MYT1L: variants seen among roughly 807,000 people sequenced by gnomAD.
MYT1L encodes myelin transcription factor 1 like.
In MYT1L, 12 loss-of-function variants were observed where a neutral mutation model predicts 126.7. The observed-to-expected ratio is 0.09, with a 90% CI of 0.06 to 0.15. MYT1L has a LOEUF of 0.15. Among genes scored for constraint, MYT1L ranks in the 10% least tolerant of loss-of-function variants. The probability of loss-of-function intolerance (pLI) is 1.00; values close to 1 mark genes in which losing one functional copy is unlikely to be tolerated. For synonymous variants in MYT1L, 541 were observed against 604.2 expected (o/e 0.90, Z 1.53); for missense variants, 979 against 1,585.2 (o/e 0.62, Z 6.49).
Position 2,228,498 on chromosome 2 carries a change from G to C in MYT1L, c.-420-55510C>G, listed in dbSNP as rs2149040431. ...TTTGCTGAAATCAGCAAGACAAATT[G>C]AACTTTAGAACTGGAAGAAAGTTTA... On this transcript the variant is annotated intron_variant, in intron 2 of 24. Transcript: ENST00000647738. The surrounding 1 kb of genome is among the most constrained non-coding windows in gnomAD (Gnocchi z 5.9). Among the ~76,000 whole-genome samples, 1 of 152,240 alleles carries C rather than the reference G, an allele frequency of 6.6e-6. No homozygotes were observed. Among genetic ancestry groups the C allele is most frequent in the Middle Eastern group, 3.4e-3 (1 of 292 alleles).
chr2:2,106,069 G>A (rs2078715253), intron 3 of MYT1L, among the ~76,000 whole-genome samples: 1 of 152,108 alleles, frequency 6.6e-6, no homozygotes, highest in Non-Finnish European at 1.5e-5. Context: ...CAACTCAAAG[G>A]AATGCACCAC....
intron 8 of MYT1L, among the ~76,000 whole-genome samples, chr2:1,952,458 G>A (rs941809237): frequency 2.0e-5 from 3 of 152,042 alleles, no homozygotes; most frequent in Non-Finnish European, 4.4e-5. Flanking sequence ...TAGATAAAGT[G>A]CAAATGGGAG....
In MYT1L at chr2:2,119,295, T is replaced by C. The variant is rs115589727; in HGVS notation, c.-304+53577A>G. 4.2e-3 allele frequency among the ~76,000 whole-genome samples: 638 copies of C among 152,338 alleles called. 5 individuals are homozygous for C. Among genetic ancestry groups the C allele is most frequent in the African/African-American group, 0.015 (614 of 41,588 alleles). ...TTAAAAATTACAGAGTGCTTTTACC[T>C]ACATAAATAGGCACTTAAGAATTCA... On this transcript the variant is annotated intron_variant, in intron 3 of 24. Transcript: ENST00000647738.
At chr2:2,270,426 G>T (rs554972702) in intron 2 of MYT1L, among the ~76,000 whole-genome samples, 16 of 152,196 alleles carry the variant, frequency 1.1e-4, no homozygotes, top group Admixed American at 6.5e-4. Context: ...TATCCCCTTT[G>T]CAAATCTATC....
At chr2:1,915,002 G>A (rs1377123568) in intron 11 of MYT1L, among the ~76,000 whole-genome samples, 1 of 152,066 alleles carries the variant, frequency 6.6e-6, no homozygotes, top group East Asian at 1.9e-4. Flanking sequence ...CCATGCTGTG[G>A]AGTCCCCACC....
chr2:1,952,899 T>C (rs955081403), intron 8 of MYT1L, among the ~76,000 whole-genome samples: 12 of 66,434 alleles, frequency 1.8e-4, no homozygotes, highest in African/African-American at 9.1e-4. Flanking sequence ...TCCCTCCTTC[T>C]TTCCCTTCCT....
chr2:2,075,626 C>T (rs1407551582), intron 3 of MYT1L, among the ~76,000 whole-genome samples: 1 of 152,138 alleles, frequency 6.6e-6, no homozygotes, highest in Non-Finnish European at 1.5e-5. Context: ...CAAAACTTTG[C>T]TGAATAAGAT....
intron 3 of MYT1L, among the ~76,000 whole-genome samples, chr2:2,112,606 T>C (rs1402814304): frequency 2.0e-5 from 3 of 152,136 alleles, no homozygotes; most frequent in Non-Finnish European, 4.4e-5. Flanking sequence ...CTTGATACAA[T>C]GCAGTTTCTG....
At chr2:2,086,391 T>C (rs1026931753) in intron 3 of MYT1L, among the ~76,000 whole-genome samples, 1 of 152,248 alleles carries the variant, frequency 6.6e-6, no homozygotes, top group Non-Finnish European at 1.5e-5. Context: ...ATTCATTTTA[T>C]ACTTGTACAT....
chr2:1,926,611 A>G (rs149468313), intron 9 of MYT1L, among the ~76,000 whole-genome samples: 2,067 of 152,318 alleles, frequency 0.014, 53 homozygotes, highest in African/African-American at 0.047. Flanking sequence ...CATGCAGGCT[A>G]GAGTGCAGTG....
At chr2:2,023,623 G>T (rs77370734) in intron 4 of MYT1L, among the ~76,000 whole-genome samples, 1 of 144,660 alleles carries the variant, frequency 6.9e-6, no homozygotes, top group Non-Finnish European at 1.5e-5. Flanking sequence ...GGCTTTTGCT[G>T]TTTTTTTTTT....
At chr2:1,866,375 T>TAA (rs1046933396) in intron 18 of MYT1L, among the ~76,000 whole-genome samples, 1 of 147,936 alleles carries the variant, frequency 6.8e-6, no homozygotes, top group African/African-American at 2.5e-5. Context: ...CTTACGAAGA[T>TAA]GAGAGAGAGA....
chr2:2,064,145 G>A (rs1228654602), intron 3 of MYT1L, among the ~76,000 whole-genome samples: 1 of 152,178 alleles, frequency 6.6e-6, no homozygotes, highest in Non-Finnish European at 1.5e-5. Context: ...AGAGAAAGGG[G>A]CTATAGAAAA....
intron 3 of MYT1L, among the ~76,000 whole-genome samples, chr2:2,069,319 G>A (rs188371301): frequency 7.4e-4 from 113 of 152,190 alleles, no homozygotes; most frequent in African/African-American, 2.4e-3. Flanking sequence ...GAGAACATGC[G>A]GTGTTTGGTT....
chr2:1,994,754 TA>T (rs1018845969), intron 5 of MYT1L, among the ~76,000 whole-genome samples: 1 of 152,086 alleles, frequency 6.6e-6, no homozygotes, highest in Non-Finnish European at 1.5e-5. Context: ...AGTAATGTGG[TA>T]AAAAAAATTT....
intron 2 of MYT1L, among the ~76,000 whole-genome samples, chr2:2,204,274 A>G (rs1259886963): frequency 2.6e-5 from 4 of 152,064 alleles, no homozygotes; most frequent in Non-Finnish European, 5.9e-5. Context: ...ATCTAATTAA[A>G]CTAAAGAGCT....
At chr2:2,189,016 G>A (rs565451511) in intron 2 of MYT1L, among the ~76,000 whole-genome samples, 181 of 152,198 alleles carry the variant, frequency 1.2e-3, no homozygotes, top group African/African-American at 4.1e-3. Flanking sequence ...AGCTGCTGCC[G>A]CCTTCCTCCC....
chr2:1,855,946 T>C (rs1324648833), intron 18 of MYT1L, among the ~76,000 whole-genome samples: 1 of 152,192 alleles, frequency 6.6e-6, no homozygotes, highest in Admixed American at 6.5e-5. Flanking sequence ...TGGTTGTACA[T>C]ATTACTATCT....
At chr2:1,794,579 C>T (rs2033015734) in intron 23 of MYT1L, among the ~76,000 whole-genome samples, 1 of 152,198 alleles carries the variant, frequency 6.6e-6, no homozygotes, top group Non-Finnish European at 1.5e-5. Context: ...CACCCTGTCT[C>T]ATTGTCCCCA....
Sources: gnomAD v4.1 joint callset for allele counts (sites outside exome capture counted in the v4.1 genomes callset) on GRCh38, gnomAD v4.1.1 for gene constraint, Gnocchi (gnomAD v3.1) non-coding constraint, MANE v1.5 for transcripts, NCBI Gene and HGNC (gene_info 2026-07-23, HGNC 2026-07-21) for gene names.